CFAP418: variants seen among roughly 807,000 people sequenced by gnomAD.
CFAP418 encodes the protein cilia- and flagella-associated protein 418.
A neutral mutation model predicts 24.7 loss-of-function variants in CFAP418; 27 were observed. The observed-to-expected ratio is 1.09, with a 90% CI of 0.81 to 1.51. The LOEUF (loss-of-function observed/expected upper bound fraction) is 1.51. Ranked by LOEUF, CFAP418 falls within the 40% of genes most tolerant of loss-of-function variation. The probability of loss-of-function intolerance (pLI) is 0.00; values close to 1 mark genes in which losing one functional copy is unlikely to be tolerated. For missense variants in CFAP418, 257 were observed against 255.2 expected (o/e 1.01, Z -0.05); for synonymous variants, 74 against 87.3 (o/e 0.85, Z 0.85).
intron 2 of CFAP418, 56 bp downstream of exon 2, chr8:95,263,631 T>TA: frequency 8.8e-7 from 1 of 1,139,834 alleles, no homozygotes; most frequent in Non-Finnish European, 1.3e-6. Flanking sequence ...AAGACTATTC[T>TA]AAACATGTCT....
At chr8:95,263,830 C>T (rs1231357179) in intron 1 of CFAP418, 56 bp from the exon 2 acceptor site, 8 of 1,000,070 alleles carry the variant, frequency 8.0e-6, no homozygotes, top group Non-Finnish European at 9.3e-6. Flanking sequence ...GCAGAGAAAG[C>T]TAGTATCAGA....
At chr8:95,258,027 C>A (rs1446854416) in intron 4 of CFAP418, among the ~76,000 whole-genome samples, 1 of 152,084 alleles carries the variant, frequency 6.6e-6, no homozygotes, top group Non-Finnish European at 1.5e-5. Flanking sequence ...ATGACCCAGA[C>A]CCTGTATAGG....
chr8:95,260,571 T>A, intron 2 of CFAP418, 39 bp from the exon 3 acceptor site: 1 of 1,244,130 alleles, frequency 8.0e-7, no homozygotes, highest in Non-Finnish European at 1.1e-6. Context: ...CATGAGTAAC[T>A]TAGAAAACTG....
intron 4 of CFAP418, among the ~76,000 whole-genome samples, chr8:95,252,556 T>G (rs910561706): frequency 6.6e-6 from 1 of 152,246 alleles, no homozygotes; most frequent in Non-Finnish European, 1.5e-5. Flanking sequence ...AGAAAATAGA[T>G]TTGTAGATCT....
rs187126610 is a variant in CFAP418 at position 95,262,759 on chromosome 8, C to T, written c.243+928G>A. On this transcript the variant is annotated intron_variant, in intron 2 of 5. Coordinates refer to ENST00000286688, the MANE Select transcript of CFAP418 (RefSeq NM_177965.4). ...GCTTTATACACCCTAGAGAAACTTC[C>T]GTATATGGGTAAAAGAAGCCATGTA... 2.5e-3 allele frequency among the ~76,000 whole-genome samples: 374 copies of T among 152,136 alleles called. 2 individuals are homozygous for T. Among genetic ancestry groups the T allele is most frequent in the African/African-American group, 8.5e-3 (352 of 41,510 alleles).
At chr8:95,255,149 C>CT (rs1467364530) in intron 4 of CFAP418, among the ~76,000 whole-genome samples, 2 of 152,130 alleles carry the variant, frequency 1.3e-5, no homozygotes, top group Non-Finnish European at 2.9e-5. Flanking sequence ...GCCAACATGA[C>CT]TTTTTTAAGA....
intron 5 of CFAP418, among the ~76,000 whole-genome samples, chr8:95,250,176 T>C (rs1186915650): frequency 6.6e-6 from 1 of 152,236 alleles, no homozygotes; most frequent in Non-Finnish European, 1.5e-5. Flanking sequence ...CAGTGATTTA[T>C]ATCCTAATGG....
chr8:95,254,208 G>A (rs954015508), intron 4 of CFAP418, among the ~76,000 whole-genome samples: 3 of 152,176 alleles, frequency 2.0e-5, no homozygotes, highest in African/African-American at 7.2e-5. Context: ...GCTTGAAAAT[G>A]CCTTCGTTTT....
chr8:95,247,244 AC>A lies in CFAP418; in HGVS notation c.*372del, dbSNP rs1286764647. ...CTCTTTGCCCTGGCCGGCTTTATCC[AC>A]TTTAACTGCTACAAGTTGGGGAATG... On this transcript the variant is annotated 3_prime_UTR_variant, in exon 6 of 6. Transcript: ENST00000286688. 1 of 199,880 alleles carries A rather than the reference AC, an allele frequency of 5.0e-6. No homozygotes were observed. The allele number at this position is 199,880 out of a possible 1,614,324, so 12.4% of individuals were successfully genotyped here.
chr8:95,256,478 T>C (rs1022087054), intron 4 of CFAP418, among the ~76,000 whole-genome samples: 1 of 152,224 alleles, frequency 6.6e-6, no homozygotes, highest in Non-Finnish European at 1.5e-5. Flanking sequence ...CCATGAAATA[T>C]GTTTAGTTTT....
rs115712018 is a variant in CFAP418, at chr8:95,250,826, T to A, written c.470+1362A>T. On this transcript the variant is annotated intron_variant, in intron 5 of 5. Transcript: ENST00000286688. ...TTGAATTGTATGTGTATGAGGGGCA[T>A]TCAAAGCTTTCATAAGATTTGCAAA... Among the ~76,000 whole-genome samples, 402 of 152,328 alleles carry A rather than the reference T, an allele frequency of 2.6e-3. 2 individuals carry two copies. Among genetic ancestry groups the A allele is most frequent in the African/African-American group, 9.5e-3 (393 of 41,572 alleles).
At position 95,263,732 on chromosome 8, in the gene CFAP418, A is replaced by G. The variant is rs1351257779; in HGVS notation, c.198T>C (p.Leu66=). 1 of 1,609,744 alleles carries G rather than the reference A, an allele frequency of 6.2e-7. No individual in the cohort carries two copies. Among genetic ancestry groups the G allele is most frequent in the East Asian group, 2.2e-5 (1 of 44,706 alleles). The change falls in exon 2 of 6, where the codon CTT becomes CTC. Residue 66 remains leucine, a synonymous_variant. Transcript: ENST00000286688. ...TFKKEDDLDS[L]INEILEEPNL... ...TGGGCTCTTCAAGTATTTCATTAAT[A>G]AGACTGTCAAGATCATCTTCTTTTT...
intron 3 of CFAP418, among the ~76,000 whole-genome samples, chr8:95,260,225 CT>C (rs932279204): frequency 2.6e-5 from 4 of 152,248 alleles, no homozygotes; most frequent in African/African-American, 9.6e-5. Flanking sequence ...ACTGTTCACA[CT>C]TTTTTTAAAT....
rs1811619542 is a variant in CFAP418, at chr8:95,246,185, T to A, written c.*1432A>T. On this transcript the variant is annotated 3_prime_UTR_variant, in exon 6 of 6. Coordinates refer to ENST00000286688, the MANE Select transcript of CFAP418 (RefSeq NM_177965.4). The stretch of plus-strand genomic sequence containing the variant: ...TGTATTTTTAGTAGAGATGGTGTTT[T>A]ATCATGTTGGCCAGGCTGGTCTTGA... The A allele has an allele frequency of 6.6e-6, 1 of 152,136 alleles. No homozygotes were observed. The highest frequency in any genetic ancestry group is 1.9e-4 in the East Asian group (1 of 5,180). The allele number at this position is 152,136 out of a possible 1,614,324, so 9.4% of individuals were successfully genotyped here.
intron 4 of CFAP418, among the ~76,000 whole-genome samples, chr8:95,253,587 G>A (rs778963771): frequency 6.6e-6 from 1 of 152,020 alleles, no homozygotes; most frequent in Non-Finnish European, 1.5e-5. Context: ...GAGAATAAAT[G>A]CTTTGTATTT....
At position 95,263,744 on chromosome 8, in the gene CFAP418, A is replaced by G. The variant is rs1811931116; in HGVS notation, c.186T>C (p.Asp62=). 6.2e-7 allele frequency: 1 copy of G among 1,608,886 alleles called. No individual in the cohort carries two copies. Among genetic ancestry groups the G allele is most frequent in the African/African-American group, 1.3e-5 (1 of 74,818 alleles). Residue 62 remains aspartate (D), a synonymous_variant, in exon 2 of 6, where the codon GAT becomes GAC. Transcript: ENST00000286688. ...RSTETFKKED[D]LDSLINEILE... ...GTATTTCATTAATAAGACTGTCAAG[A>G]TCATCTTCTTTTTTAAATGTTTCTG...
At chr8:95,251,227 T>C (rs35363033) in intron 5 of CFAP418, among the ~76,000 whole-genome samples, 10,435 of 152,198 alleles carry the variant, frequency 0.069, 434 homozygotes, top group Non-Finnish European at 0.088. Flanking sequence ...CAAAGCACCG[T>C]GAATACACAG....
In CFAP418 at chr8:95,247,643, G is replaced by C. The variant is rs1332256474; in HGVS notation, c.598C>G (p.Leu200Val). The change falls in exon 6 of 6, where the codon CTT becomes GTT. Residue 200 changes from leucine to valine, a missense_variant. Physicochemically the swap from Leu to Val is conservative, Grantham distance 32. Coordinates refer to ENST00000286688, the MANE Select transcript of CFAP418 (RefSeq NM_177965.4). ...TAATGTTTACCACAAACCCAGCGAA[G>C]CTGATGATCTGTCTGAAGGTCAGTC... Reference protein sequence around the residue: ...EVTDLQTDHQLRWVCGKH With the variant: ...EVTDLQTDHQVRWVCGKH 1.2e-6 allele frequency: 2 copies of C among 1,614,198 alleles called. No homozygotes were observed. The highest frequency in any genetic ancestry group is 2.2e-5 in the South Asian group (2 of 91,084).
intron 1 of CFAP418, among the ~76,000 whole-genome samples, chr8:95,264,782 G>C (rs1307726027): frequency 6.6e-6 from 1 of 152,184 alleles, no homozygotes; most frequent in East Asian, 1.9e-4. Flanking sequence ...CCTGATATAA[G>C]AAAAGCAAGA....
Sources: allele counts gnomAD v4.1 joint callset (sites outside exome capture counted in the v4.1 genomes callset), GRCh38; gene constraint gnomAD v4.1.1; transcripts MANE v1.5; gene names NCBI Gene and HGNC (gene_info 2026-07-23, HGNC 2026-07-21).